COL4A6: variants seen among roughly 807,000 people sequenced by gnomAD.
COL4A6 encodes the protein collagen alpha-6(IV) chain.
A neutral mutation model predicts 126.7 loss-of-function variants in COL4A6; 59 were observed. The ratio of observed to expected loss-of-function variants is 0.47; its 90% CI spans 0.38 to 0.58. The LOEUF (loss-of-function observed/expected upper bound fraction) is 0.58. COL4A6 is among the 20% of genes least tolerant of loss of function. The pLI, the probability that COL4A6 is intolerant of heterozygous loss-of-function variation, is 0.00. For missense variants in COL4A6, 1,285 were observed against 1,337.3 expected, an observed-to-expected ratio of 0.96 and a Z score of 0.61; for synonymous variants, 547 against 496.6, an observed-to-expected ratio of 1.10 and a Z score of -1.35.
intron 33 of COL4A6, 90 bp from the exon 34 acceptor site, chrX:108,171,007 G>A: frequency 1.2e-6 from 1 of 817,908 alleles, no homozygotes; most frequent in Non-Finnish European, 1.8e-6. Flanking sequence ...AATTGCTGAA[G>A]GAGCTAGACC....
intron 2 of COL4A6, among the ~76,000 whole-genome samples, chrX:108,351,575 A>G (rs1176834650): frequency 2.8e-5 from 3 of 108,603 alleles, no homozygotes; most frequent in Admixed American, 1.0e-4. Context: ...TGTGATTGCA[A>G]TCTACTAAGG....
intron 3 of COL4A6, among the ~76,000 whole-genome samples, chrX:108,248,955 T>G (rs940920007): frequency 9.1e-6 from 1 of 109,549 alleles, no homozygotes. Context: ...ATGCTCCTTG[T>G]GAGAATCTAA....
intron 2 of COL4A6, among the ~76,000 whole-genome samples, chrX:108,429,724 G>A (rs750441645): frequency 8.9e-5 from 10 of 111,768 alleles, no homozygotes; most frequent in South Asian, 3.8e-4. Context: ...AAGGTAAAAC[G>A]AGTTACTCTA....
At chrX:108,283,306 C>G (rs1319113212) in intron 3 of COL4A6, among the ~76,000 whole-genome samples, 1 of 111,595 alleles carries the variant, frequency 9.0e-6, no homozygotes, top group Non-Finnish European at 1.9e-5. Flanking sequence ...CTTTCCAACT[C>G]TAACATTTGA....
At chrX:108,230,886 A>G (rs766763214) in intron 3 of COL4A6, among the ~76,000 whole-genome samples, 1 of 111,987 alleles carries the variant, frequency 8.9e-6, no homozygotes, top group Non-Finnish European at 1.9e-5. Context: ...GCACTAATGA[A>G]CTAGCATTGC....
At chrX:108,277,711 C>T (rs1384487709) in intron 3 of COL4A6, among the ~76,000 whole-genome samples, 6 of 112,262 alleles carry the variant, frequency 5.3e-5, no homozygotes, top group Non-Finnish European at 9.4e-5. Context: ...TGACCCCTGA[C>T]CCCCGAGCAG....
intron 3 of COL4A6, among the ~76,000 whole-genome samples, chrX:108,250,027 C>A (rs1422322887): frequency 8.9e-6 from 1 of 111,925 alleles, no homozygotes; most frequent in Non-Finnish European, 1.9e-5. Flanking sequence ...ATGGGTCAAC[C>A]CCCCTCAGGC....
At chrX:108,220,197 A>C (rs986392051) in intron 4 of COL4A6, among the ~76,000 whole-genome samples, 1 of 111,930 alleles carries the variant, frequency 8.9e-6, no homozygotes, top group Non-Finnish European at 1.9e-5. Flanking sequence ...AAACAAGCCA[A>C]TTGCATCCAC....
intron 2 of COL4A6, among the ~76,000 whole-genome samples, chrX:108,398,604 T>C (rs1223601690): frequency 9.0e-6 from 1 of 111,021 alleles, no homozygotes; most frequent in Non-Finnish European, 1.9e-5. Context: ...TTCGTGCACT[T>C]TTCTAGATGG....
chrX:108,343,165 A>ATATATAGTGTGTGTGTGT (rs1377817612), intron 2 of COL4A6, among the ~76,000 whole-genome samples: 8 of 31,416 alleles, frequency 2.5e-4, no homozygotes, highest in African/African-American at 6.3e-4. Flanking sequence ...ATATATATAT[A>ATATATAGTGTGTGTGTGT]GTGTGTGTGT....
intron 2 of COL4A6, among the ~76,000 whole-genome samples, chrX:108,380,324 G>GA (rs2040535557): frequency 8.9e-6 from 1 of 111,896 alleles, no homozygotes; most frequent in Non-Finnish European, 1.9e-5. Context: ...TGCCATTTAA[G>GA]AAAAAAAAGT....
chrX:108,302,565 T>C (rs1273690634), intron 3 of COL4A6, among the ~76,000 whole-genome samples: 4 of 111,624 alleles, frequency 3.6e-5, no homozygotes, highest in African/African-American at 6.5e-5. Flanking sequence ...AGGAATCTTC[T>C]TAAGCTGCTT....
At chrX:108,432,269 CTAAG>C (rs2064186564) in intron 2 of COL4A6, among the ~76,000 whole-genome samples, 1 of 112,154 alleles carries the variant, frequency 8.9e-6, no homozygotes, top group Non-Finnish European at 1.9e-5. Flanking sequence ...CTAGTATATA[CTAAG>C]TGTTTATCCT....
chrX:108,201,345 T>C (rs985292813), intron 13 of COL4A6, among the ~76,000 whole-genome samples: 5 of 112,309 alleles, frequency 4.5e-5, no homozygotes, highest in Middle Eastern at 4.2e-3. Flanking sequence ...TATCTTGTAA[T>C]TTAAAAGACA....
Position 108,183,542 on chromosome X carries a change from G to A in COL4A6, c.1952-2574C>T, listed in dbSNP as rs1352392976. On this transcript the variant is annotated intron_variant, in intron 23 of 44. Coordinates refer to ENST00000334504, the MANE Select transcript of COL4A6 (RefSeq NM_033641.4). ...CCTGCTGTAAGAGGTATGTGCTAAG[G>A]AGCCTCTGAAGCAGTGTTGGTGTCA... Among the ~76,000 whole-genome samples the A allele has an allele frequency of 2.7e-5, 3 of 111,603 alleles. No individual in the cohort carries two copies. In the East Asian group the frequency reaches 8.4e-4, roughly 31 times the overall value.
At chrX:108,318,490 A>C (rs1267050593) in intron 2 of COL4A6, among the ~76,000 whole-genome samples, 4 of 111,117 alleles carry the variant, frequency 3.6e-5, no homozygotes, top group Non-Finnish European at 7.6e-5. Context: ...GTCTCAGCCC[A>C]AAATCTCCTT....
At chrX:108,405,279 A>C (rs986223341) in intron 2 of COL4A6, among the ~76,000 whole-genome samples, 5 of 108,961 alleles carry the variant, frequency 4.6e-5, no homozygotes, top group African/African-American at 1.7e-4. Flanking sequence ...GCTCACTGCA[A>C]CCTCTGCCTC....
Position 108,160,444 on chromosome X carries a change from T to C in COL4A6, c.4525+19A>G. The C allele has an allele frequency of 8.5e-7, 1 of 1,175,433 alleles. No individual in the cohort carries two copies. The highest frequency in any genetic ancestry group is 1.8e-5 in the African/African-American group (1 of 56,982). The stretch of plus-strand genomic sequence containing the variant: ...GTGGGGACAGGTGACCAGGGCTGGC[T>C]GTCAGAGCTGGTACCTACCCAGGTC... On this transcript the variant is annotated intron_variant, in intron 43 of 44. Transcript: ENST00000334504.
chrX:108,205,404 T>C, intron 11 of COL4A6, 35 bp downstream of exon 11: 2 of 1,087,291 alleles, frequency 1.8e-6, no homozygotes, highest in East Asian at 3.0e-5. Context: ...TTGCAGCATA[T>C]GGAAGGCAGA....
Sources: gnomAD v4.1 joint callset for allele counts (sites outside exome capture counted in the v4.1 genomes callset) on GRCh38, gnomAD v4.1.1 for gene constraint, MANE v1.5 for transcripts, NCBI Gene and HGNC (gene_info 2026-07-23, HGNC 2026-07-21) for gene names.